Variants in EIF4G3 observed in about 807,000 individuals in gnomAD.
EIF4G3 encodes eukaryotic translation initiation factor 4 gamma 3.
EIF4G3 carries 34 observed loss-of-function variants against 186.4 expected under a neutral mutation model. The observed-to-expected ratio is 0.18, with a 90% confidence interval of 0.14 to 0.24. The LOEUF is 0.24. Ranked by LOEUF, EIF4G3 falls within the 10% of genes least tolerant of loss-of-function variation. EIF4G3 has a pLI of 1.00. For missense variants in EIF4G3, 1,536 were observed against 1,948.5 expected, an observed-to-expected ratio of 0.79 and a Z score of 3.99; for synonymous variants, 673 against 679.5, an observed-to-expected ratio of 0.99 and a Z score of 0.15.
At chr1:21,022,280 A>G (rs1254339885) in intron 4 of EIF4G3, among the ~76,000 whole-genome samples, 1 of 152,214 alleles carries the variant, frequency 6.6e-6, no homozygotes, top group East Asian at 1.9e-4. Flanking sequence ...ATGGGTGTCC[A>G]TTATGATTTT....
intron 2 of EIF4G3, among the ~76,000 whole-genome samples, chr1:21,153,231 T>C (rs995206846): frequency 2.0e-5 from 3 of 152,144 alleles, no homozygotes; most frequent in Non-Finnish European, 2.9e-5. Context: ...TAAAAAGTAC[T>C]ACATCTCAAA....
intron 2 of EIF4G3, among the ~76,000 whole-genome samples, chr1:21,098,331 C>T (rs1396318522): frequency 1.3e-5 from 2 of 151,708 alleles, no homozygotes; most frequent in South Asian, 2.1e-4. Flanking sequence ...TGCTTGAGTC[C>T]AGGAGTTCAG....
At chr1:20,883,385 G>A (rs1374473075) in intron 19 of EIF4G3, among the ~76,000 whole-genome samples, 2 of 152,096 alleles carry the variant, frequency 1.3e-5, no homozygotes, top group Admixed American at 6.5e-5. Context: ...TTGGGAGGCC[G>A]AGGTGGGCAG....
At chr1:20,905,049 T>A (rs1000612169) in intron 14 of EIF4G3, 78 bp from the exon 15 acceptor site, 3 of 1,062,900 alleles carry the variant, frequency 2.8e-6, no homozygotes, top group Middle Eastern at 2.0e-4. Flanking sequence ...GATACCTATA[T>A]TCAAATTAAG....
rs754253602 is a variant in EIF4G3, at chr1:20,829,130, A to C, written c.4187+17T>G. ...AGTTCTACCTGATATATATCAAGAGAAACAAGTATAACTTACATGGTAAGT... is the reference window on the plus strand; with the variant it reads ...AGTTCTACCTGATATATATCAAGAGCAACAAGTATAACTTACATGGTAAGT... On this transcript the variant is annotated intron_variant, in intron 31 of 36. Transcript: ENST00000602326. 6.2e-7 allele frequency: 1 copy of C among 1,612,450 alleles called. No homozygotes were observed. Among genetic ancestry groups the C allele is most frequent in the African/African-American group, 1.3e-5 (1 of 74,964 alleles).
intron 3 of EIF4G3, among the ~76,000 whole-genome samples, chr1:21,062,512 A>C (rs1014867893): frequency 1.3e-4 from 20 of 152,258 alleles, no homozygotes; most frequent in Non-Finnish European, 1.5e-5. Context: ...CAGTAGTCTC[A>C]GGATTGATAT....
intron 4 of EIF4G3, among the ~76,000 whole-genome samples, chr1:21,006,516 C>T (rs182846927): frequency 2.0e-5 from 3 of 152,324 alleles, no homozygotes; most frequent in Admixed American, 2.0e-4. Flanking sequence ...TCTGTTCTCA[C>T]TTTCATTATT....
chr1:21,134,668 CA>C lies in EIF4G3; in HGVS notation c.-272+41506del, dbSNP rs374253518. ...TGGACGACCGAGTGAGACTCCATCT[CA>C]AAAAAAACAAAAATAAAAATAACAG... On this transcript the variant is annotated intron_variant, in intron 2 of 36. Coordinates refer to ENST00000602326, the MANE Select transcript of EIF4G3 (RefSeq NM_001391906.1). 4.5e-3 allele frequency among the ~76,000 whole-genome samples: 676 copies of C among 151,130 alleles called. 5 individuals carry two copies. Among genetic ancestry groups the C allele is most frequent in the African/African-American group, 0.016 (641 of 41,220 alleles).
At chr1:20,937,900 T>C (rs2095569210) in intron 14 of EIF4G3, among the ~76,000 whole-genome samples, 1 of 152,208 alleles carries the variant, frequency 6.6e-6, no homozygotes, top group South Asian at 2.1e-4. Context: ...ATATTAAAAG[T>C]GTGGCCAATA....
intron 7 of EIF4G3, among the ~76,000 whole-genome samples, chr1:20,983,820 GA>G (rs758864021): frequency 1.3e-5 from 2 of 152,206 alleles, no homozygotes; most frequent in Non-Finnish European, 2.9e-5. Context: ...GTTGCCTGAA[GA>G]AATAGGGTGT....
intron 3 of EIF4G3, among the ~76,000 whole-genome samples, chr1:21,066,853 T>TAA (rs1454864071): frequency 4.6e-5 from 7 of 152,348 alleles, no homozygotes; most frequent in Middle Eastern, 6.8e-3. Context: ...TCATTTTAGT[T>TAA]AAACGTGGTC....
At position 20,811,899 on chromosome 1, in the gene EIF4G3, C is replaced by T. The variant is rs1032138638; in HGVS notation, c.4598-1015G>A. On this transcript the variant is annotated intron_variant, in intron 35 of 36. Transcript: ENST00000602326. ...ATTAGAAAAGGAAATTAAAGTGACA[C>T]TTAATACAAATCTTTTCAGAAGGCT... 2.6e-5 allele frequency among the ~76,000 whole-genome samples: 4 copies of T among 152,100 alleles called. No homozygotes were observed. The South Asian group carries it at 6.2e-4, about 24-fold the overall frequency.
intron 33 of EIF4G3, among the ~76,000 whole-genome samples, chr1:20,819,758 AATAATCTGTAAAGCAAACCCCC>A (rs1443252235): frequency 6.6e-6 from 1 of 152,152 alleles, no homozygotes; most frequent in Non-Finnish European, 1.5e-5. Context: ...TGGGTGACAA[AATAATCTGTAAAGCAAACCCCC>A]ATGACACAAG....
At chr1:21,048,642 C>T (rs1208273084) in intron 4 of EIF4G3, among the ~76,000 whole-genome samples, 3 of 152,156 alleles carry the variant, frequency 2.0e-5, no homozygotes, top group South Asian at 2.1e-4. Flanking sequence ...CAGGAAGACA[C>T]GCAGCACAGT....
intron 30 of EIF4G3, among the ~76,000 whole-genome samples, chr1:20,838,705 T>C (rs1475539082): frequency 6.6e-6 from 1 of 152,092 alleles, no homozygotes; most frequent in Admixed American, 6.6e-5. Flanking sequence ...TCCCCAGACG[T>C]GGTCTCATTC....
At chr1:21,149,805 G>T (rs1219922955) in intron 2 of EIF4G3, among the ~76,000 whole-genome samples, 1 of 152,132 alleles carries the variant, frequency 6.6e-6, no homozygotes, top group Non-Finnish European at 1.5e-5. Context: ...GAGATAATTC[G>T]CATTTAAGTA....
chr1:21,090,149 C>G (rs1485508919), intron 2 of EIF4G3, among the ~76,000 whole-genome samples: 1 of 152,084 alleles, frequency 6.6e-6, no homozygotes, highest in Non-Finnish European at 1.5e-5. Context: ...TTAGGAAGTA[C>G]AAGCAAAACT....
In EIF4G3 at chr1:20,879,440, T is replaced by C; in HGVS notation, c.2505A>G (p.Gly835=). 6.3e-7 allele frequency: 1 copy of C among 1,589,032 alleles called. No individual in the cohort carries two copies. The highest frequency in any genetic ancestry group is 8.6e-7 in the Non-Finnish European group (1 of 1,167,856). Residue 835 remains glycine (G), a synonymous_variant, in exon 20 of 37, where the codon GGA becomes GGG. Coordinates refer to ENST00000602326, the MANE Select transcript of EIF4G3 (RefSeq NM_001391906.1). ...MFNQLMKQVS[G]LTVDTEERLK... is the part of the protein sequence containing the mutation. ...GCCGCTCCTCTGTGTCAACAGTAAG[T>C]CCTGACACTTGCTTCATCAGTTGAT...
chr1:20,844,007 T>G (rs1050884417), intron 29 of EIF4G3, among the ~76,000 whole-genome samples: 2 of 152,252 alleles, frequency 1.3e-5, no homozygotes, highest in African/African-American at 4.8e-5. Context: ...TATGGCTGTA[T>G]AATATTTCAT....
Sources: gnomAD v4.1 joint callset for allele counts (sites outside exome capture counted in the v4.1 genomes callset) on GRCh38, gnomAD v4.1.1 for gene constraint, MANE v1.5 for transcripts, NCBI Gene and HGNC (gene_info 2026-07-23, HGNC 2026-07-21) for gene names.